ADGB: variants seen among roughly 807,000 people sequenced by gnomAD.
ADGB encodes androglobin, also known as calpain-7-like protein.
ADGB carries 172 observed loss-of-function variants against 210.5 expected under a neutral mutation model. That is an observed-to-expected ratio of 0.82 (90% confidence interval 0.72 to 0.93). The LOEUF is 0.93. Ranked by LOEUF, ADGB falls within the 40% of genes least tolerant of loss-of-function variation. The probability of loss-of-function intolerance (pLI) is 0.00; values close to 1 mark genes in which losing one functional copy is unlikely to be tolerated. For synonymous variants in ADGB, 658 were observed against 662.7 expected, an observed-to-expected ratio of 0.99 and a Z score of 0.11; for missense variants, 2,025 against 1,964.8, an observed-to-expected ratio of 1.03 and a Z score of -0.58.
chr6:146,799,188 G>A (rs1323504911), intron 33 of ADGB, among the ~76,000 whole-genome samples: 4 of 151,738 alleles, frequency 2.6e-5, no homozygotes, highest in African/African-American at 7.3e-5. Flanking sequence ...TATTAATGGC[G>A]AGGAATTAGC....
rs1431706801 is a variant in ADGB, at chr6:146,801,837, T to C, written c.4644T>C (p.Asp1548=). The C allele has an allele frequency of 6.5e-7, 1 of 1,542,152 alleles. No homozygotes were observed. Among genetic ancestry groups the C allele is most frequent in the Non-Finnish European group, 8.8e-7 (1 of 1,142,652 alleles). ...MDLSQYVRKT[D]TDPLLQTDEL... ...TGACTTTTGTATCAAGGAAAACAGA[T>C]ACAGATCCTCTGCTGCAAACAGATG... The change falls in exon 35 of 36, where the codon GAT becomes GAC. Residue 1548 remains aspartate, a synonymous_variant. Coordinates refer to ENST00000397944, the MANE Select transcript of ADGB (RefSeq NM_024694.4).
intron 27 of ADGB, among the ~76,000 whole-genome samples, chr6:146,757,904 G>T (rs945142463): frequency 6.6e-6 from 1 of 151,978 alleles, no homozygotes; most frequent in African/African-American, 2.4e-5. Flanking sequence ...GTGTGAATAA[G>T]ACTTTGAGGA....
At chr6:146,664,433 A>T in intron 6 of ADGB, 93 bp downstream of exon 6, 1 of 1,301,640 alleles carries the variant, frequency 7.7e-7, no homozygotes. Flanking sequence ...TTTTAAAATT[A>T]GCTAAAAGAC....
Position 146,737,192 on chromosome 6 carries a change from A to G in ADGB, c.2888+601A>G, listed in dbSNP as rs574569622. On this transcript the variant is annotated intron_variant, in intron 23 of 35. Transcript: ENST00000397944. ...TGACTGTTATGAAAATGAGCAAGAA[A>G]ATAAATAATAAAAAAGAGAAAATAG... is the stretch of plus-strand genomic sequence containing the variant. Among the ~76,000 whole-genome samples, 8 of 152,254 alleles carry G rather than the reference A, an allele frequency of 5.3e-5. No homozygotes were observed. The South Asian group carries it at 1.7e-3, about 32-fold the overall frequency.
intron 6 of ADGB, among the ~76,000 whole-genome samples, chr6:146,664,953 C>G (rs77040126): frequency 5.1e-4 from 78 of 152,170 alleles, no homozygotes; most frequent in Middle Eastern, 6.8e-3. Context: ...TCAGCTTACA[C>G]TTCCAGAGAA....
At chr6:146,700,432 A>G (rs1776474026) in intron 12 of ADGB, among the ~76,000 whole-genome samples, 1 of 152,164 alleles carries the variant, frequency 6.6e-6, no homozygotes, top group Non-Finnish European at 1.5e-5. Flanking sequence ...TACATATACT[A>G]CAAAAATGTC....
chr6:146,645,876 AGCC>A (rs1401748636), intron 3 of ADGB, among the ~76,000 whole-genome samples: 1 of 152,012 alleles, frequency 6.6e-6, no homozygotes, highest in Non-Finnish European at 1.5e-5. Context: ...AATATATATG[AGCC>A]ATGCTTTTAA....
chr6:146,677,910 G>C (rs1034209258), intron 9 of ADGB, among the ~76,000 whole-genome samples: 14 of 152,188 alleles, frequency 9.2e-5, no homozygotes, highest in Admixed American at 5.9e-4. Flanking sequence ...CTTAGCACTT[G>C]TTGGTAGAGC....
intron 33 of ADGB, among the ~76,000 whole-genome samples, chr6:146,789,594 A>G (rs1777925736): frequency 6.6e-6 from 1 of 152,224 alleles, no homozygotes; most frequent in Admixed American, 6.5e-5. Flanking sequence ...ATCTTTTACT[A>G]TACTAACAAG....
intron 5 of ADGB, among the ~76,000 whole-genome samples, chr6:146,657,873 TACAA>T (rs1775806702): frequency 6.6e-6 from 1 of 152,122 alleles, no homozygotes; most frequent in Non-Finnish European, 1.5e-5. Context: ...TAGTAGGAAG[TACAA>T]ACAGAGGATC....
intron 1 of ADGB, among the ~76,000 whole-genome samples, chr6:146,614,228 CCTTCCTTCCTTCCTT>C (rs1562255292): frequency 6.9e-5 from 8 of 116,318 alleles, no homozygotes; most frequent in Non-Finnish European, 1.8e-5. Context: ...TCCCTTCCTT[CCTTCCTTCCTTCCTT>C]CCTTCAACAG....
intron 27 of ADGB, among the ~76,000 whole-genome samples, chr6:146,760,520 G>A (rs1460901753): frequency 2.0e-5 from 3 of 151,866 alleles, no homozygotes; most frequent in Non-Finnish European, 4.4e-5. Flanking sequence ...TTGGACATAT[G>A]GGTTTATTGG....
At chr6:146,703,775 G>A (rs1583597563) in intron 13 of ADGB, among the ~76,000 whole-genome samples, 1 of 151,830 alleles carries the variant, frequency 6.6e-6, no homozygotes, top group East Asian at 1.9e-4. Context: ...GGGAAGGCAG[G>A]TATCTCTTTC....
intron 9 of ADGB, among the ~76,000 whole-genome samples, chr6:146,676,912 T>C (rs941988271): frequency 5.9e-5 from 9 of 152,316 alleles, no homozygotes; most frequent in African/African-American, 2.2e-4. Context: ...TATATCACAA[T>C]ACTGACAACC....
intron 33 of ADGB, among the ~76,000 whole-genome samples, chr6:146,794,376 G>T (rs923539671): frequency 1.7e-4 from 26 of 152,002 alleles, no homozygotes; most frequent in Non-Finnish European, 3.2e-4. Context: ...CAAACTGAGT[G>T]GCTCCCCGTG....
rs1778165192 is a variant in ADGB at position 146,803,649 on chromosome 6, A to T, written c.4818+1638A>T. On this transcript the variant is annotated intron_variant, in intron 35 of 35. Transcript: ENST00000397944. ...TCTTTTTTTCTAGGAAGATCAATGA[A>T]ATGATCCTCAATCTTATTACAAAAG... 3 of 1,302,086 alleles carry T rather than the reference A, an allele frequency of 2.3e-6. No homozygotes were observed. In the South Asian group the frequency reaches 3.6e-5, roughly 16 times the overall value. The allele number at this position is 1,302,086 out of a possible 1,614,324, so 80.7% of individuals were successfully genotyped here. A position where few individuals can be genotyped will look rare whatever the true frequency, so the allele number is the denominator to read the frequency against.
intron 25 of ADGB, 52 bp from the exon 26 acceptor site, chr6:146,745,870 G>A (rs953794587): frequency 1.8e-5 from 25 of 1,392,378 alleles, no homozygotes; most frequent in Non-Finnish European, 2.2e-5. Context: ...TTGTACATTC[G>A]ATAGAATAAT....
chr6:146,798,850 A>C (rs549695959), intron 33 of ADGB, among the ~76,000 whole-genome samples: 2 of 152,170 alleles, frequency 1.3e-5, no homozygotes, highest in African/African-American at 4.8e-5. Flanking sequence ...CAAGTGTAGA[A>C]TTTATGTATT....
chr6:146,741,833 A>G (rs1307720705), intron 25 of ADGB, among the ~76,000 whole-genome samples: 1 of 152,160 alleles, frequency 6.6e-6, no homozygotes, highest in African/African-American at 2.4e-5. Context: ...TTCAAACCTC[A>G]TATTTGTCTT....
Sources: gnomAD v4.1 joint callset for allele counts (sites outside exome capture counted in the v4.1 genomes callset) on GRCh38, gnomAD v4.1.1 for gene constraint, MANE v1.5 for transcripts, NCBI Gene and HGNC (gene_info 2026-07-23, HGNC 2026-07-21) for gene names.